The following SLC9B1 variants were observed in gnomAD, a reference collection of about 807,000 sequenced individuals.
SLC9B1 encodes solute carrier family 9 member B1.
SLC9B1 carries 32 observed loss-of-function variants against 51.7 expected under a neutral mutation model. That is an observed-to-expected ratio of 0.62 (90% CI 0.47 to 0.83). SLC9B1 has a LOEUF of 0.83. Ranked by LOEUF, SLC9B1 falls within the 40% of genes least tolerant of loss-of-function variation. The probability of loss-of-function intolerance (pLI) is 0.00; values close to 1 mark genes in which losing one functional copy is unlikely to be tolerated. For missense variants in SLC9B1, 406 were observed against 613.2 expected, an observed-to-expected ratio of 0.66 and a Z score of 3.57; for synonymous variants, 145 against 212.7, an observed-to-expected ratio of 0.68 and a Z score of 2.77.
chr4:102,932,819 C>T (rs1477154402), intron 6 of SLC9B1, among the ~76,000 whole-genome samples: 1 of 152,124 alleles, frequency 6.6e-6, no homozygotes, highest in East Asian at 1.9e-4. Context: ...ATTTGGAGTA[C>T]CACTGTAAGA....
intron 3 of SLC9B1, among the ~76,000 whole-genome samples, chr4:102,980,564 C>T (rs750646217): frequency 2.6e-5 from 4 of 151,882 alleles, no homozygotes; most frequent in Non-Finnish European, 4.4e-5. Flanking sequence ...GGGGGAACAA[C>T]ACACACTGGG....
chr4:103,014,297 T>C (rs1421435696), intron 1 of SLC9B1, among the ~76,000 whole-genome samples: 4 of 152,228 alleles, frequency 2.6e-5, no homozygotes, highest in Non-Finnish European at 5.9e-5. Context: ...AATTTAGAAG[T>C]CATTTCTTCC....
intron 3 of SLC9B1, chr4:102,963,054 C>T (rs1438013719): frequency 2.3e-6 from 1 of 442,562 alleles, no homozygotes; most frequent in Non-Finnish European, 4.6e-6. Flanking sequence ...GGGGTTTGAC[C>T]ATATTCGGGG....
intron 11 of SLC9B1, chr4:102,888,148 G>T (rs1319943453): frequency 1.5e-5 from 2 of 130,692 alleles, no homozygotes. Flanking sequence ...AAACTCATGG[G>T]CTGCTGCAAT....
At chr4:102,937,723 CAAAAAAA>C (rs35545999) in intron 6 of SLC9B1, among the ~76,000 whole-genome samples, 1 of 56,838 alleles carries the variant, frequency 1.8e-5, no homozygotes, top group Non-Finnish European at 3.5e-5. Context: ...ACTCTGTCGC[CAAAAAAA>C]AAAAAAAAAA....
rs1383455887 is a variant in SLC9B1 at position 102,906,719 on chromosome 4, C to A, written c.1087-75G>T. On this transcript the variant is annotated intron_variant, in intron 9 of 11. Coordinates refer to ENST00000296422, the MANE Select transcript of SLC9B1 (RefSeq NM_139173.4). Reference sequence around the variant, plus strand: ...TTCAGAAACTTAAAGTCTTCCCCCCCCTTTTTTTTTTCATTTTTTAAGTAT... The same window carrying A: ...TTCAGAAACTTAAAGTCTTCCCCCCACTTTTTTTTTTCATTTTTTAAGTAT... 10 of 878,674 alleles carry A rather than the reference C, an allele frequency of 1.1e-5. No homozygotes were observed. The East Asian group carries it at 1.4e-4, about 13-fold the overall frequency. 54.4% of individuals were successfully genotyped at this position (878,674 alleles called of 1,614,324 possible). A position where few individuals can be genotyped will look rare whatever the true frequency, so the allele number is the denominator to read the frequency against.
chr4:103,008,797 C>CTTTTTT (rs34403441), intron 1 of SLC9B1, among the ~76,000 whole-genome samples: 12 of 99,488 alleles, frequency 1.2e-4, no homozygotes, highest in Non-Finnish European at 2.0e-4. Context: ...TTAACAGTTT[C>CTTTTTT]TTTTTTTTTT....
intron 7 of SLC9B1, among the ~76,000 whole-genome samples, chr4:102,926,724 C>A (rs553519637): frequency 2.0e-5 from 3 of 152,238 alleles, no homozygotes; most frequent in African/African-American, 7.2e-5. Context: ...TAATGACTTT[C>A]TTCACAGAAT....
chr4:102,927,079 T>C (rs1345476565), intron 7 of SLC9B1, among the ~76,000 whole-genome samples: 2 of 152,116 alleles, frequency 1.3e-5, no homozygotes, highest in African/African-American at 2.4e-5. Context: ...CCCTTCCTTA[T>C]ACCTTATACA....
intron 7 of SLC9B1, among the ~76,000 whole-genome samples, chr4:102,926,151 G>C (rs1736160818): frequency 3.3e-5 from 5 of 152,296 alleles, no homozygotes; most frequent in Admixed American, 2.6e-4. Context: ...TACTGAATGG[G>C]CAAAAACTGG....
At chr4:102,885,059 C>G (rs1733834998) in exon 12 of SLC9B1, 1 of 650,836 alleles carries the variant, frequency 1.5e-6, no homozygotes, top group South Asian at 1.7e-5. Context: ...TTTGGTAGAG[C>G]TGGCTTTATT....
chr4:102,986,795 T>G (rs917017002), intron 3 of SLC9B1, among the ~76,000 whole-genome samples: 4 of 152,198 alleles, frequency 2.6e-5, no homozygotes, highest in Admixed American at 1.3e-4. Flanking sequence ...TTTGTTACAG[T>G]GTTTTTGATA....
Position 102,937,723 on chromosome 4 carries a change from C to CAAA in SLC9B1, c.654-5427_654-5425dup, listed in dbSNP as rs35545999. On this transcript the variant is annotated intron_variant, in intron 6 of 11. Coordinates refer to ENST00000296422, the MANE Select transcript of SLC9B1 (RefSeq NM_139173.4). ...TGGCGACAGAGCAACACTCTGTCGCCAAAAAAAAAAAAAAAAAAAAAATTC... is the reference window on the plus strand; with the variant it reads ...TGGCGACAGAGCAACACTCTGTCGCCAAAAAAAAAAAAAAAAAAAAAAAAATTC... 2.6e-3 allele frequency among the ~76,000 whole-genome samples: 148 copies of CAAA among 56,784 alleles called. 2 individuals carry two copies. Among genetic ancestry groups the CAAA allele is most frequent in the African/African-American group, 5.9e-3 (99 of 16,890 alleles). 37.3% of individuals were successfully genotyped at this position (56,784 alleles called of 152,430 possible).
At chr4:102,908,946 TA>T (rs1263812205) in intron 9 of SLC9B1, among the ~76,000 whole-genome samples, 2 of 152,302 alleles carry the variant, frequency 1.3e-5, no homozygotes, top group Non-Finnish European at 2.9e-5. Context: ...ACTATACTAC[TA>T]ATCAGAGAAA....
chr4:102,935,753 T>G (rs1049859472), intron 6 of SLC9B1, among the ~76,000 whole-genome samples: 1 of 152,210 alleles, frequency 6.6e-6, no homozygotes, highest in African/African-American at 2.4e-5. Context: ...TTGTTAGAAG[T>G]CCAGAACATT....
chr4:103,016,417 T>C (rs138778859), intron 1 of SLC9B1, among the ~76,000 whole-genome samples: 104 of 152,274 alleles, frequency 6.8e-4, no homozygotes, highest in South Asian at 1.7e-3. Context: ...GTAAAACATC[T>C]TGAGATGTCT....
intron 3 of SLC9B1, among the ~76,000 whole-genome samples, chr4:102,979,031 T>C (rs1163867972): frequency 6.6e-6 from 1 of 152,212 alleles, no homozygotes; most frequent in Non-Finnish European, 1.5e-5. Context: ...ACTGCATAAA[T>C]AGTTCTACTT....
chr4:103,004,080 A>G (rs1441465249), intron 1 of SLC9B1, among the ~76,000 whole-genome samples: 1 of 152,200 alleles, frequency 6.6e-6, no homozygotes, highest in Non-Finnish European at 1.5e-5. Context: ...TTCCTCAGCA[A>G]TGATTCTTAA....
At chr4:102,944,376 G>A (rs4272014) in intron 6 of SLC9B1, among the ~76,000 whole-genome samples, 1 of 151,880 alleles carries the variant, frequency 6.6e-6, no homozygotes, top group African/African-American at 2.4e-5. Flanking sequence ...CCCTTGAGCC[G>A]AAATAAAAAT....
Sources: gnomAD v4.1 joint callset for allele counts (sites outside exome capture counted in the v4.1 genomes callset) on GRCh38, gnomAD v4.1.1 for gene constraint, MANE v1.5 for transcripts, NCBI Gene and HGNC (gene_info 2026-07-23, HGNC 2026-07-21) for gene names.